OR2W3: variants seen among roughly 807,000 people sequenced by gnomAD.
OR2W3 encodes olfactory receptor family 2 subfamily W member 3, also known as olfactory receptor 2W3.
For missense variants in OR2W3, 448 were observed against 397.0 expected (o/e 1.13, Z -1.09); for synonymous variants, 196 against 168.2 (o/e 1.17, Z -1.28).
Position 247,896,495 on chromosome 1 carries a change from G to A in OR2W3, c.909G>A (p.Arg303=). The change falls in exon 1 of 1, where the codon AGG becomes AGA. Residue 303 remains arginine (R), a synonymous_variant. Coordinates refer to ENST00000360358, the MANE Select transcript of OR2W3 (RefSeq NM_001001957.2). ...GAGAGGTGAAGGGGGCACTGGGAAGGTTGCTTCTGGGGAAGAGAGAGCTAG... is the reference window on the plus strand; with the variant it reads ...GAGAGGTGAAGGGGGCACTGGGAAGATTGCTTCTGGGGAAGAGAGAGCTAG... ...RNREVKGALG[R]LLLGKRELGK... is the part of the protein sequence containing the mutation. The A allele has an allele frequency of 2.5e-6, 4 of 1,613,274 alleles. No individual in the cohort carries two copies. Among genetic ancestry groups the A allele is most frequent in the Non-Finnish European group, 8.5e-7 (1 of 1,179,590 alleles).
In OR2W3 at chr1:247,896,501, T is replaced by C. The variant is rs1558359908; in HGVS notation, c.915T>C (p.Leu305=). The change falls in exon 1 of 1, where the codon CTT becomes CTC. Residue 305 remains leucine (L), a synonymous_variant. Transcript: ENST00000360358. ...TGAAGGGGGCACTGGGAAGGTTGCT[T>C]CTGGGGAAGAGAGAGCTAGGAAAGG... ...REVKGALGRL[L]LGKRELGKE The C allele has an allele frequency of 1.9e-6, 3 of 1,612,806 alleles. No homozygotes were observed. The highest frequency in any genetic ancestry group is 1.1e-5 in the South Asian group (1 of 90,888).
rs1659602521 is a variant in OR2W3, at chr1:247,896,084, AC to A, written c.502del (p.Arg168AlafsTer17). The part of the protein sequence containing the change: ...LAMSPVTLRL[P>X]RCGHHEVDHF... ...CCATGTCTCCTGTGACCCTGCGCTT[AC>A]CCCGCTGTGGGCACCACGAGGTGGA... On this transcript the variant is annotated frameshift_variant, in exon 1 of 1. Coordinates refer to ENST00000360358, the MANE Select transcript of OR2W3 (RefSeq NM_001001957.2). LOFTEE classifies it low-confidence loss of function (END_TRUNC). The A allele has an allele frequency of 1.3e-5, 21 of 1,613,914 alleles. No homozygotes were observed. Among genetic ancestry groups the A allele is most frequent in the Non-Finnish European group, 1.8e-5 (21 of 1,179,980 alleles).
In OR2W3 at chr1:247,896,481, G is replaced by A. The variant is rs754535452; in HGVS notation, c.895G>A (p.Gly299Arg). ...IYTLRNREVK[G>R]ALGRLLLGKR... ...CACCCTCAGAAACAGAGAGGTGAAG[G>A]GGGCACTGGGAAGGTTGCTTCTGGG... The change falls in exon 1 of 1, where the codon GGG becomes AGG. Residue 299 changes from glycine (G) to arginine (R), a missense_variant. Coordinates refer to ENST00000360358, the MANE Select transcript of OR2W3 (RefSeq NM_001001957.2). 4.0e-4 allele frequency: 651 copies of A among 1,613,698 alleles called. No homozygotes were observed. Among genetic ancestry groups the A allele is most frequent in the Non-Finnish European group, 5.2e-4 (614 of 1,179,860 alleles).
chr1:247,896,174 A>C lies in OR2W3; in HGVS notation c.588A>C (p.Glu196Asp), dbSNP rs12139390. Residue 196 changes from glutamate to aspartate, a missense_variant, in exon 1 of 1, where the codon GAA (glutamate) becomes GAC (aspartate). Glu to Asp is a conservative substitution (Grantham distance 45, BLOSUM62 2). Transcript: ENST00000360358. ...RMACVSTVAI[E>D]GTVFVLAVGV... ...CCTGCGTCAGCACTGTGGCCATCGA[A>C]GGCACCGTCTTTGTCCTGGCGGTGG... The C allele has an allele frequency of 0.76, 1,232,054 of 1,613,692 alleles. 481,460 individuals carry two copies. The highest frequency in any genetic ancestry group is 0.81 in the Non-Finnish European group (950,982 of 1,179,706).
At position 247,895,887 on chromosome 1, in the gene OR2W3, C is replaced by T. The variant is rs745449450; in HGVS notation, c.301C>T (p.Leu101Phe). Residue 101 changes from leucine (L) to phenylalanine (F), a missense_variant, in exon 1 of 1, where the codon CTC becomes TTC. Leu to Phe is a conservative substitution (Grantham distance 22). Coordinates refer to ENST00000360358, the MANE Select transcript of OR2W3 (RefSeq NM_001001957.2). ...CAGCTACATGGGCTGTGCCATCCAG[C>T]TCTTCCTGTTCCTGGGTCTGGGTGG... is the stretch of plus-strand genomic sequence containing the variant. ...TISYMGCAIQ[L>F]FLFLGLGGVE... 3 of 1,614,146 alleles carry T rather than the reference C, an allele frequency of 1.9e-6. No individual in the cohort carries two copies. The highest frequency in any genetic ancestry group is 2.5e-6 in the Non-Finnish European group (3 of 1,179,974).
At position 247,896,352 on chromosome 1, in the gene OR2W3, A is replaced by G. The variant is rs1355965114; in HGVS notation, c.766A>G (p.Ile256Val). The change falls in exon 1 of 1, where the codon ATC (isoleucine) becomes GTC (valine). Residue 256 changes from isoleucine to valine, a missense_variant. Ile to Val is a conservative substitution (Grantham distance 29, BLOSUM62 3). Coordinates refer to ENST00000360358, the MANE Select transcript of OR2W3 (RefSeq NM_001001957.2). Reference protein sequence around the residue: ...TVVSLFYGNIIYMYMQPGASS... With the variant: ...TVVSLFYGNIVYMYMQPGASS... The stretch of plus-strand genomic sequence containing the variant: ...GGTCTCCCTTTTCTATGGAAACATC[A>G]TCTACATGTACATGCAGCCAGGAGC... 9.3e-6 allele frequency: 15 copies of G among 1,614,012 alleles called. No homozygotes were observed. Among genetic ancestry groups the G allele is most frequent in the Admixed American group, 1.7e-5 (1 of 59,990 alleles).
Position 247,896,183 on chromosome 1 carries a change from C to G in OR2W3, c.597C>G (p.Val199=). The G allele has an allele frequency of 6.2e-7, 1 of 1,614,170 alleles. No individual in the cohort carries two copies. The highest frequency in any genetic ancestry group is 8.5e-7 in the Non-Finnish European group (1 of 1,179,998). ...CVSTVAIEGT[V]FVLAVGVVLS... is the part of the protein sequence containing the mutation. ...GCACTGTGGCCATCGAAGGCACCGT[C>G]TTTGTCCTGGCGGTGGGTGTTGTGC... The change falls in exon 1 of 1, where the codon GTC becomes GTG. Residue 199 remains valine (V), a synonymous_variant. Coordinates refer to ENST00000360358, the MANE Select transcript of OR2W3 (RefSeq NM_001001957.2).
chr1:247,895,626 C>G lies in OR2W3; in HGVS notation c.40C>G (p.Leu14Val). The G allele has an allele frequency of 6.2e-7, 1 of 1,613,770 alleles. No individual in the cohort carries two copies. Among genetic ancestry groups the G allele is most frequent in the Non-Finnish European group, 8.5e-7 (1 of 1,179,748 alleles). ...TGGCAGCACCCAAACCCATTTCATC[C>G]TACTGGGATTCTCTGACCGACCCCA... ...TNGSTQTHFI[L>V]LGFSDRPHLE... Residue 14 changes from leucine to valine, a missense_variant, in exon 1 of 1, where the codon CTA becomes GTA. By Grantham distance (32) the Leu-to-Val change is conservative. Coordinates refer to ENST00000360358, the MANE Select transcript of OR2W3 (RefSeq NM_001001957.2).
At position 247,896,109 on chromosome 1, in the gene OR2W3, G is replaced by A. The variant is rs1278871748; in HGVS notation, c.523G>A (p.Asp175Asn). The change falls in exon 1 of 1, where the codon GAC becomes AAC. Residue 175 changes from aspartate to asparagine, a missense_variant. Asp to Asn is a conservative substitution (Grantham distance 23). Transcript: ENST00000360358. ...RLPRCGHHEVDHFLREMPALI... is the reference protein window; with the variant it reads ...RLPRCGHHEVNHFLREMPALI... Reference sequence around the variant, plus strand: ...ACCCCGCTGTGGGCACCACGAGGTGGACCACTTCCTGCGTGAGATGCCCGC... The same window carrying A: ...ACCCCGCTGTGGGCACCACGAGGTGAACCACTTCCTGCGTGAGATGCCCGC... 2 of 1,614,188 alleles carry A rather than the reference G, an allele frequency of 1.2e-6. No homozygotes were observed. Among genetic ancestry groups the A allele is most frequent in the Non-Finnish European group, 1.7e-6 (2 of 1,180,024 alleles).
In OR2W3 at chr1:247,895,689, T is replaced by C; in HGVS notation, c.103T>C (p.Tyr35His). Residue 35 changes from tyrosine (Y) to histidine (H), a missense_variant, in exon 1 of 1, where the codon TAC becomes CAC. Physicochemically the swap from Tyr to His is moderately conservative, Grantham distance 83. Coordinates refer to ENST00000360358, the MANE Select transcript of OR2W3 (RefSeq NM_001001957.2). ...RILFVVILIA[Y>H]LLTLVGNTTI... ...CCTCTTTGTGGTCATCCTGATCGCG[T>C]ACCTCCTGACCCTCGTAGGCAACAC... 4 of 1,613,872 alleles carry C rather than the reference T, an allele frequency of 2.5e-6. No individual in the cohort carries two copies. The highest frequency in any genetic ancestry group is 3.4e-6 in the Non-Finnish European group (4 of 1,179,786).
rs766763378 is a variant in OR2W3, at chr1:247,896,392, A to G, written c.806A>G (p.Asp269Gly). ...YMQPGASSSQ[D>G]QGMFLMLFYN... ...CAGCCAGGAGCCAGTTCTTCCCAGGACCAGGGCATGTTCCTCATGCTCTTC... is the reference window on the plus strand; with the variant it reads ...CAGCCAGGAGCCAGTTCTTCCCAGGGCCAGGGCATGTTCCTCATGCTCTTC... The change falls in exon 1 of 1, where the codon GAC becomes GGC. Residue 269 changes from aspartate to glycine, a missense_variant. Asp to Gly is a moderately conservative substitution (Grantham distance 94). Transcript: ENST00000360358. The G allele has an allele frequency of 1.9e-6, 3 of 1,613,832 alleles. No homozygotes were observed. The Admixed American group carries it at 5.0e-5, about 27-fold the overall frequency.
In OR2W3 at chr1:247,896,220, G is replaced by A. The variant is rs1388972305; in HGVS notation, c.634G>A (p.Val212Met). Residue 212 changes from valine to methionine, a missense_variant, in exon 1 of 1, where the codon GTG (valine) becomes ATG (methionine). By Grantham distance (21) the Val-to-Met change is conservative. Coordinates refer to ENST00000360358, the MANE Select transcript of OR2W3 (RefSeq NM_001001957.2). The stretch of plus-strand genomic sequence containing the variant: ...GGTGGGTGTTGTGCTGTCCCCCTTG[G>A]TGTTTATCCTGCTCTCTTACAGCTA... Reference protein sequence around the residue: ...LAVGVVLSPLVFILLSYSYIV... With the variant: ...LAVGVVLSPLMFILLSYSYIV... 3.7e-6 allele frequency: 6 copies of A among 1,614,208 alleles called. No individual in the cohort carries two copies. Among genetic ancestry groups the A allele is most frequent in the South Asian group, 1.1e-5 (1 of 91,088 alleles).
In OR2W3 at chr1:247,896,439, C is replaced by G. The variant is rs1427447485; in HGVS notation, c.853C>G (p.Leu285Val). 6.2e-7 allele frequency: 1 copy of G among 1,613,122 alleles called. No homozygotes were observed. The highest frequency in any genetic ancestry group is 2.2e-5 in the East Asian group (1 of 44,804). ...CTTCTACAACATTGTCACCCCCCTC[C>G]TCAATCCTCTCATCTACACCCTCAG... The part of the protein sequence containing the change: ...MLFYNIVTPL[L>V]NPLIYTLRNR... Residue 285 changes from leucine (L) to valine (V), a missense_variant, in exon 1 of 1, where the codon CTC (leucine) becomes GTC (valine). Physicochemically the swap from Leu to Val is conservative, Grantham distance 32 (BLOSUM62 1). Coordinates refer to ENST00000360358, the MANE Select transcript of OR2W3 (RefSeq NM_001001957.2).
In OR2W3 at chr1:247,895,707, G is replaced by C; in HGVS notation, c.121G>C (p.Gly41Arg). 6.2e-7 allele frequency: 1 copy of C among 1,613,904 alleles called. No homozygotes were observed. The highest frequency in any genetic ancestry group is 8.5e-7 in the Non-Finnish European group (1 of 1,179,900). The change falls in exon 1 of 1, where the codon GGC becomes CGC. Residue 41 changes from glycine (G) to arginine (R), a missense_variant. Transcript: ENST00000360358. Reference protein sequence around the residue: ...ILIAYLLTLVGNTTIILVSRL... With the variant: ...ILIAYLLTLVRNTTIILVSRL... ...GATCGCGTACCTCCTGACCCTCGTA[G>C]GCAACACCACCATCATCCTGGTGTC...
rs141996133 is a variant in OR2W3, at chr1:247,896,434, C to T, written c.848C>T (p.Pro283Leu). 2.2e-4 allele frequency: 361 copies of T among 1,613,128 alleles called. 1 individual carries two copies. In the African/African-American group the frequency reaches 3.8e-3, roughly 17 times the overall value. Residue 283 changes from proline to leucine, a missense_variant, in exon 1 of 1, where the codon CCC (proline) becomes CTC (leucine). By Grantham distance (98) the Pro-to-Leu change is moderately conservative (BLOSUM62 -3). Transcript: ENST00000360358. ...FLMLFYNIVTPLLNPLIYTLR... is the reference protein window; with the variant it reads ...FLMLFYNIVTLLLNPLIYTLR... ...ATGCTCTTCTACAACATTGTCACCC[C>T]CCTCCTCAATCCTCTCATCTACACC...
Position 247,896,399 on chromosome 1 carries a change from C to T in OR2W3, c.813C>T (p.Gly271=). The change falls in exon 1 of 1, where the codon GGC becomes GGT. Residue 271 remains glycine (G), a synonymous_variant. Transcript: ENST00000360358. The part of the protein sequence containing the change: ...QPGASSSQDQ[G]MFLMLFYNIV... ...GAGCCAGTTCTTCCCAGGACCAGGG[C>T]ATGTTCCTCATGCTCTTCTACAACA... 2.5e-6 allele frequency: 4 copies of T among 1,613,496 alleles called. No homozygotes were observed. Among genetic ancestry groups the T allele is most frequent in the Non-Finnish European group, 3.4e-6 (4 of 1,179,440 alleles).
rs763813541 is a variant in OR2W3, at chr1:247,896,028, A to G, written c.442A>G (p.Thr148Ala). 9 of 1,613,922 alleles carry G rather than the reference A, an allele frequency of 5.6e-6. No homozygotes were observed. Among genetic ancestry groups the G allele is most frequent in the East Asian group, 2.2e-5 (1 of 44,862 alleles). ...GCTCTGCCGGGGCTTGGTGTCAGTG[A>G]CCTGGGGCTGTGGGGTGGCCAACTC... is the stretch of plus-strand genomic sequence containing the variant. ...PRLCRGLVSV[T>A]WGCGVANSLA... The change falls in exon 1 of 1, where the codon ACC (threonine) becomes GCC (alanine). Residue 148 changes from threonine (T) to alanine (A), a missense_variant. Physicochemically the swap from Thr to Ala is moderately conservative, Grantham distance 58 (BLOSUM62 0). Transcript: ENST00000360358.
chr1:247,896,085 C>T lies in OR2W3; in HGVS notation c.499C>T (p.Pro167Ser), dbSNP rs1186688328. ...CATGTCTCCTGTGACCCTGCGCTTA[C>T]CCCGCTGTGGGCACCACGAGGTGGA... is the stretch of plus-strand genomic sequence containing the variant. ...LAMSPVTLRLPRCGHHEVDHF... is the reference protein window; with the variant it reads ...LAMSPVTLRLSRCGHHEVDHF... The change falls in exon 1 of 1, where the codon CCC becomes TCC. Residue 167 changes from proline (P) to serine (S), a missense_variant. Physicochemically the swap from Pro to Ser is moderately conservative, Grantham distance 74 (BLOSUM62 -1). Coordinates refer to ENST00000360358, the MANE Select transcript of OR2W3 (RefSeq NM_001001957.2). 1 of 1,614,132 alleles carries T rather than the reference C, an allele frequency of 6.2e-7. No homozygotes were observed. Among genetic ancestry groups the T allele is most frequent in the South Asian group, 1.1e-5 (1 of 91,084 alleles).
Position 247,896,301 on chromosome 1 carries a change from G to A in OR2W3, c.715G>A (p.Gly239Ser), listed in dbSNP as rs142197394. The change falls in exon 1 of 1, where the codon GGC becomes AGC. Residue 239 changes from glycine to serine, a missense_variant. By Grantham distance (56) the Gly-to-Ser change is moderately conservative. Transcript: ENST00000360358. ...AGCATCAGGAAGGCAGAAGGCCTTC[G>A]GCACCTGCGGCTCCCATCTCACTGT... ...RSASGRQKAF[G>S]TCGSHLTVVS... The A allele has an allele frequency of 2.6e-3, 4,166 of 1,614,006 alleles. 9 individuals carry two copies. The highest frequency in any genetic ancestry group is 3.2e-3 in the Non-Finnish European group (3,802 of 1,179,878).
Sources: gnomAD v4.1 joint callset for allele counts on GRCh38, gnomAD v4.1.1 for gene constraint, MANE v1.5 for transcripts, NCBI Gene and HGNC (gene_info 2026-07-23, HGNC 2026-07-21) for gene names.